Variants in ST6GALNAC3 observed in about 807,000 individuals in gnomAD.
ST6GALNAC3 encodes the protein ST6 N-acetylgalactosaminide alpha-2,6-sialyltransferase 3, also known as alpha-N-acetylgalactosaminide alpha-2,6-sialyltransferase 3.
Under a neutral mutation model 32.7 loss-of-function variants are expected in ST6GALNAC3, and 25 were observed. That is an observed-to-expected ratio of 0.76 (90% CI 0.56 to 1.07). The LOEUF is 1.07. ST6GALNAC3 is among the 50% of genes least tolerant of loss of function. The pLI is 0.00. For synonymous variants in ST6GALNAC3, 129 were observed against 133.1 expected (o/e 0.97, Z 0.21); for missense variants, 355 against 382.4 (o/e 0.93, Z 0.60).
rs1414196463 is a variant in ST6GALNAC3, at chr1:76,456,963, C to G, written c.623+44546C>G. Among the ~76,000 whole-genome samples, 5 of 152,100 alleles carry G rather than the reference C, an allele frequency of 3.3e-5. No individual in the cohort carries two copies. In the East Asian group the frequency reaches 7.7e-4, roughly 23 times the overall value. ...GTATATCTAGAAAACCCCATTGTCT[C>G]AGCCCAAAATCTCCTTAAGCTGATA... On this transcript the variant is annotated intron_variant, in intron 3 of 4. Coordinates refer to ENST00000328299, the MANE Select transcript of ST6GALNAC3 (RefSeq NM_152996.4).
chr1:76,493,464 T>G (rs1262887924), intron 3 of ST6GALNAC3, among the ~76,000 whole-genome samples: 3 of 152,208 alleles, frequency 2.0e-5, no homozygotes, highest in Non-Finnish European at 4.4e-5. Context: ...AAGCCTAGTC[T>G]TCACTCCTGA....
At chr1:76,559,702 G>A (rs924516614) in intron 3 of ST6GALNAC3, among the ~76,000 whole-genome samples, 4 of 152,058 alleles carry the variant, frequency 2.6e-5, no homozygotes, top group Non-Finnish European at 4.4e-5. Context: ...CAAAACTCAG[G>A]TGAGCATTCA....
At chr1:76,376,195 T>A (rs1651214237) in intron 2 of ST6GALNAC3, among the ~76,000 whole-genome samples, 1 of 152,082 alleles carries the variant, frequency 6.6e-6, no homozygotes, top group South Asian at 2.1e-4. Flanking sequence ...ATCCCATATA[T>A]CTTTCATCCA....
In ST6GALNAC3 at chr1:76,535,321, T is replaced by C. The variant is rs74473461; in HGVS notation, c.624-92131T>C. Among the ~76,000 whole-genome samples, 493 of 152,294 alleles carry C rather than the reference T, an allele frequency of 3.2e-3. 16 individuals are homozygous for C. In the East Asian group the frequency reaches 0.081, roughly 25 times the overall value. ...AATATTTTACCTGGCATTTGGAAGTTATCACAGTTATAAACCAAACAATAC... is the reference window on the plus strand; with the variant it reads ...AATATTTTACCTGGCATTTGGAAGTCATCACAGTTATAAACCAAACAATAC... On this transcript the variant is annotated intron_variant, in intron 3 of 4. Transcript: ENST00000328299.
At chr1:76,313,663 C>G (rs1646811227) in intron 1 of ST6GALNAC3, 142 bp from the exon 2 acceptor site, 1 of 946,938 alleles carries the variant, frequency 1.1e-6, no homozygotes, top group African/African-American at 1.6e-5. Flanking sequence ...TAATTATTTT[C>G]CATTTCCAGG....
intron 2 of ST6GALNAC3, among the ~76,000 whole-genome samples, chr1:76,349,315 C>T (rs563015529): frequency 8.5e-5 from 13 of 152,232 alleles, no homozygotes; most frequent in South Asian, 6.2e-4. Context: ...AATAAATTGG[C>T]GTGGAGGAGA....
chr1:76,390,637 G>T (rs1489250691), intron 2 of ST6GALNAC3, among the ~76,000 whole-genome samples: 1 of 152,180 alleles, frequency 6.6e-6, no homozygotes, highest in East Asian at 1.9e-4. Context: ...GAGCCTGGCT[G>T]CTGGGAACTG....
chr1:76,369,883 T>TA (rs2101076334), intron 2 of ST6GALNAC3, among the ~76,000 whole-genome samples: 1 of 152,020 alleles, frequency 6.6e-6, no homozygotes, highest in Non-Finnish European at 1.5e-5. Context: ...ATGAGGGAAA[T>TA]AAAAATGCCC....
At chr1:76,379,875 C>T (rs1651563998) in intron 2 of ST6GALNAC3, among the ~76,000 whole-genome samples, 1 of 152,070 alleles carries the variant, frequency 6.6e-6, no homozygotes, top group South Asian at 2.1e-4. Context: ...AGAGAAGTTT[C>T]CCAGGCTTTT....
chr1:76,452,667 G>T (rs1035373626), intron 3 of ST6GALNAC3, among the ~76,000 whole-genome samples: 2 of 152,108 alleles, frequency 1.3e-5, no homozygotes, highest in African/African-American at 4.8e-5. Flanking sequence ...ATACACTGTT[G>T]GATTCAGTTA....
At chr1:76,203,823 C>G (rs1005548051) in intron 1 of ST6GALNAC3, among the ~76,000 whole-genome samples, 2 of 152,120 alleles carry the variant, frequency 1.3e-5, no homozygotes. Flanking sequence ...TTGTAAAGAT[C>G]AAATCAGTGT....
intron 1 of ST6GALNAC3, among the ~76,000 whole-genome samples, chr1:76,156,603 C>T (rs1252225824): frequency 6.6e-6 from 1 of 151,964 alleles, no homozygotes; most frequent in Non-Finnish European, 1.5e-5. Flanking sequence ...TTGACACACC[C>T]CCATCATTGC....
At position 76,279,000 on chromosome 1, in the gene ST6GALNAC3, C is replaced by A. The variant is rs796631887; in HGVS notation, c.19-34805C>A. 7.2e-5 allele frequency among the ~76,000 whole-genome samples: 11 copies of A among 152,308 alleles called. 1 individual carries two copies. The highest frequency in any genetic ancestry group is 2.6e-4 in the African/African-American group (11 of 41,566). ...CCTTTCTGTAGACAATTATGTGGCT[C>A]TGTCTCCCCTCACTAAGGTCAGCAG... On this transcript the variant is annotated intron_variant, in intron 1 of 4. Transcript: ENST00000328299.
intron 3 of ST6GALNAC3, among the ~76,000 whole-genome samples, chr1:76,487,088 G>C (rs1460785075): frequency 6.6e-6 from 1 of 152,162 alleles, no homozygotes; most frequent in African/African-American, 2.4e-5. Context: ...TTTCTGCCAA[G>C]AGATCAGCTG....
At chr1:76,412,936 C>G (rs1471092040) in intron 3 of ST6GALNAC3, 1 of 304,702 alleles carries the variant, frequency 3.3e-6, no homozygotes, top group Non-Finnish European at 6.4e-6. Flanking sequence ...ACTTGTTCAG[C>G]AGAATACCAT....
intron 2 of ST6GALNAC3, among the ~76,000 whole-genome samples, chr1:76,321,636 C>A (rs1455967672): frequency 1.3e-5 from 2 of 152,158 alleles, no homozygotes; most frequent in African/African-American, 2.4e-5. Context: ...GCTGGGGGGC[C>A]AAACACAAGT....
intron 3 of ST6GALNAC3, among the ~76,000 whole-genome samples, chr1:76,619,370 A>C (rs1306715743): frequency 6.6e-6 from 1 of 152,142 alleles, no homozygotes; most frequent in Non-Finnish European, 1.5e-5. Flanking sequence ...GAGGAAGCCT[A>C]CTTGGTGGTA....
intron 1 of ST6GALNAC3, among the ~76,000 whole-genome samples, chr1:76,158,523 C>T (rs1433071586): frequency 6.6e-6 from 1 of 152,184 alleles, no homozygotes; most frequent in Non-Finnish European, 1.5e-5. Flanking sequence ...ATTTTTTGAG[C>T]AACTCCAGTA....
chr1:76,393,894 A>G (rs958558831), intron 2 of ST6GALNAC3, among the ~76,000 whole-genome samples: 3 of 152,302 alleles, frequency 2.0e-5, no homozygotes, highest in South Asian at 4.1e-4. Flanking sequence ...ATAAACTACT[A>G]TACTTTACTA....
Sources: allele counts gnomAD v4.1 joint callset (sites outside exome capture counted in the v4.1 genomes callset), GRCh38; gene constraint gnomAD v4.1.1; transcripts MANE v1.5; gene names NCBI Gene and HGNC (gene_info 2026-07-23, HGNC 2026-07-21).